The following SIGLEC11 variants were observed in gnomAD, a reference collection of about 807,000 sequenced individuals.
SIGLEC11 encodes sialic acid-binding Ig-like lectin 11.
SIGLEC11 carries 47 observed loss-of-function variants against 61.2 expected under a neutral mutation model. That is an observed-to-expected ratio of 0.77 (90% confidence interval 0.61 to 0.98). The LOEUF (loss-of-function observed/expected upper bound fraction) is 0.98. SIGLEC11 is among the 50% of genes least tolerant of loss of function. The pLI is 0.00. For synonymous variants in SIGLEC11, 278 were observed against 373.1 expected, an observed-to-expected ratio of 0.75 and a Z score of 2.94; for missense variants, 610 against 870.3, an observed-to-expected ratio of 0.70 and a Z score of 3.76.
At chr19:49,957,139 T>C (rs1263683815) in intron 8 of SIGLEC11, among the ~76,000 whole-genome samples, 2 of 152,154 alleles carry the variant, frequency 1.3e-5, no homozygotes, top group African/African-American at 4.8e-5. Flanking sequence ...GCTCTCCTTG[T>C]TGGAAGCATT....
rs142292396 is a variant in SIGLEC11 at position 49,958,880 on chromosome 19, C to T, written c.1126G>A (p.Gly376Ser). The T allele has an allele frequency of 3.1e-4, 500 of 1,600,838 alleles. 1 individual carries two copies. The highest frequency in any genetic ancestry group is 4.1e-4 in the Non-Finnish European group (479 of 1,172,940). Residue 376 changes from glycine to serine, a missense_variant, in exon 7 of 11, where the codon GGC (glycine) becomes AGC (serine). By Grantham distance (56) the Gly-to-Ser change is moderately conservative (BLOSUM62 0). Transcript: ENST00000447370. Reference protein sequence around the residue: ...NRTVLENLGNGTSLPVLEGQS... With the variant: ...NRTVLENLGNSTSLPVLEGQS... ...CCCTCCAGGACCGGGAGGGATGTGCCGTTCCCGAGGTTTTCCAGGACTAGG... is the reference window on the plus strand; with the variant it reads ...CCCTCCAGGACCGGGAGGGATGTGCTGTTCCCGAGGTTTTCCAGGACTAGG...
intron 9 of SIGLEC11, 148 bp from the exon 10 acceptor site, chr19:49,952,120 GGGA>G (rs1443933998): frequency 2.5e-5 from 25 of 1,018,876 alleles, no homozygotes; most frequent in Admixed American, 5.4e-5. Flanking sequence ...GTGAGAACTG[GGGA>G]CCCTCATAGA....
In SIGLEC11 at chr19:49,958,417, G is replaced by A. The variant is rs770209602; in HGVS notation, c.1517C>T (p.Thr506Ile). 18 of 1,614,062 alleles carry A rather than the reference G, an allele frequency of 1.1e-5. No individual in the cohort carries two copies. Among genetic ancestry groups the A allele is most frequent in the Non-Finnish European group, 1.4e-5 (16 of 1,180,004 alleles). Residue 506 changes from threonine to isoleucine, a missense_variant, in exon 8 of 11, where the codon ACC becomes ATC. Thr to Ile is a moderately conservative substitution (Grantham distance 89). This residue lies in a region of SIGLEC11 where 432 missense variants were observed against 441.5 expected (regional missense o/e 0.98). Transcript: ENST00000447370. ...GNSSQGSFEVTPSSAGPWANS... is the reference protein window; with the variant it reads ...GNSSQGSFEVIPSSAGPWANS... The stretch of plus-strand genomic sequence containing the variant: ...GGCCCAGGGCCCGGCTGAGCTGGGG[G>A]TGACCTCGAAGGAGCCCTGACTGCT...
chr19:49,950,356 G>C, intron 10 of SIGLEC11, 120 bp from the exon 11 acceptor site: 1 of 1,092,908 alleles, frequency 9.1e-7, no homozygotes, highest in Non-Finnish European at 1.2e-6. Context: ...ATTCCACAAA[G>C]GTCAGCTGGG....
chr19:49,958,950 C>T (rs200559981), intron 6 of SIGLEC11, 50 bp from the exon 7 acceptor site: 8 of 1,612,296 alleles, frequency 5.0e-6, no homozygotes, highest in Non-Finnish European at 6.8e-6. Context: ...CTCAGGGACC[C>T]TCCTGTGTGG....
intron 8 of SIGLEC11, among the ~76,000 whole-genome samples, chr19:49,956,675 T>TC (rs984966229): frequency 2.0e-4 from 31 of 152,222 alleles, no homozygotes; most frequent in African/African-American, 7.2e-4. Flanking sequence ...AATAATTCAA[T>TC]AGTATAGGCC....
intron 8 of SIGLEC11, among the ~76,000 whole-genome samples, chr19:49,957,977 C>T (rs1052620367): frequency 6.6e-6 from 1 of 151,704 alleles, no homozygotes; most frequent in African/African-American, 2.4e-5. Context: ...GCTGACAGAG[C>T]GAGACTCCAT....
In SIGLEC11 at chr19:49,952,208, C is replaced by T. The variant is rs1214008748; in HGVS notation, c.1748+90G>A. 9 of 1,334,576 alleles carry T rather than the reference C, an allele frequency of 6.7e-6. No individual in the cohort carries two copies. In the African/African-American group the frequency reaches 1.3e-4, roughly 19 times the overall value. 82.7% of individuals were successfully genotyped at this position (1,334,576 alleles called of 1,614,324 possible). The stretch of plus-strand genomic sequence containing the variant: ...CAAGGCCTAGTTCTCACACCCACTG[C>T]CCCATCTAGATTCCTGCAGCTGGGA... On this transcript the variant is annotated intron_variant, in intron 9 of 10. Coordinates refer to ENST00000447370, the MANE Select transcript of SIGLEC11 (RefSeq NM_052884.3).
Position 49,949,955 on chromosome 19 carries a change from G to T in SIGLEC11, c.*15C>A, listed in dbSNP as rs2076147650. 7.0e-7 allele frequency: 1 copy of T among 1,422,280 alleles called. No individual in the cohort carries two copies. The highest frequency in any genetic ancestry group is 1.4e-5 in the African/African-American group (1 of 69,568). 88.1% of individuals were successfully genotyped at this position (1,422,280 alleles called of 1,614,324 possible). A position where few individuals can be genotyped will look rare whatever the true frequency, so the allele number is the denominator to read the frequency against. On this transcript the variant is annotated 3_prime_UTR_variant, in exon 11 of 11. Transcript: ENST00000447370. ...CCCACACACTTGCTGGTGTCCTGTT[G>T]CCATGGAGACCTCTTCACTTTGGAA...
At position 49,952,328 on chromosome 19, in the gene SIGLEC11, A is replaced by G; in HGVS notation, c.1718T>C (p.Leu573Pro). 6.2e-7 allele frequency: 1 copy of G among 1,612,034 alleles called. No individual in the cohort carries two copies. Among genetic ancestry groups the G allele is most frequent in the South Asian group, 1.1e-5 (1 of 91,050 alleles). ...AALGAGVAAL[L>P]AFCSCLVVFR... ...GACGACAAGGCAGGAACAGAAAGCG[A>G]GCAGGGCAGCGACGCCAGCTCCCAG... The change falls in exon 9 of 11, where the codon CTC becomes CCC. Residue 573 changes from leucine to proline, a missense_variant. Coordinates refer to ENST00000447370, the MANE Select transcript of SIGLEC11 (RefSeq NM_052884.3).
chr19:49,952,438 G>A, intron 8 of SIGLEC11, 44 bp from the exon 9 acceptor site: 1 of 1,479,986 alleles, frequency 6.8e-7, no homozygotes, highest in Non-Finnish European at 9.3e-7. Context: ...CTGGCCCTGA[G>A]ACCCTCCTGC....
intron 8 of SIGLEC11, among the ~76,000 whole-genome samples, chr19:49,956,207 TA>T (rs2076194942): frequency 6.6e-6 from 1 of 152,222 alleles, no homozygotes; most frequent in Non-Finnish European, 1.5e-5. Flanking sequence ...GTCTGGCTCT[TA>T]AAAACTTCTA....
At position 49,957,826 on chromosome 19, in the gene SIGLEC11, T is replaced by A. The variant is rs531412545; in HGVS notation, c.1651+457A>T. 5.3e-5 allele frequency among the ~76,000 whole-genome samples: 8 copies of A among 152,082 alleles called. No homozygotes were observed. In the South Asian group the frequency reaches 1.7e-3, roughly 32 times the overall value. On this transcript the variant is annotated intron_variant, in intron 8 of 10. Coordinates refer to ENST00000447370, the MANE Select transcript of SIGLEC11 (RefSeq NM_052884.3). Reference sequence around the variant, plus strand: ...ACCAGCCTGGCCAACATAGTGAAACTAAAAATACAAAAAAATTAGCTGGGC... The same window carrying A: ...ACCAGCCTGGCCAACATAGTGAAACAAAAAATACAAAAAAATTAGCTGGGC...
rs2076147502 is a variant in SIGLEC11 at position 49,949,944 on chromosome 19, G to A, written c.*26C>T. The A allele has an allele frequency of 1.4e-6, 2 of 1,407,972 alleles. No individual in the cohort carries two copies. Among genetic ancestry groups the A allele is most frequent in the South Asian group, 1.7e-5 (1 of 58,392 alleles). The allele number at this position is 1,407,972 out of a possible 1,614,324, so 87.2% of individuals were successfully genotyped here. ...CCAGTGCGACTCCCACACACTTGCT[G>A]GTGTCCTGTTGCCATGGAGACCTCT... On this transcript the variant is annotated 3_prime_UTR_variant, in exon 11 of 11. Coordinates refer to ENST00000447370, the MANE Select transcript of SIGLEC11 (RefSeq NM_052884.3).
At chr19:49,954,399 G>A (rs181779865) in intron 8 of SIGLEC11, among the ~76,000 whole-genome samples, 196 of 152,304 alleles carry the variant, frequency 1.3e-3, no homozygotes, top group Non-Finnish European at 2.4e-3. Flanking sequence ...GCCAGGGAAG[G>A]AAGTCAAAAT....
rs556913162 is a variant in SIGLEC11 at position 49,958,839 on chromosome 19, C to G, written c.1167G>C (p.Leu389=). 6.2e-7 allele frequency: 1 copy of G among 1,610,704 alleles called. No individual in the cohort carries two copies. The highest frequency in any genetic ancestry group is 1.3e-5 in the African/African-American group (1 of 74,808). Residue 389 remains leucine, a synonymous_variant, in exon 7 of 11, where the codon CTG becomes CTC. Coordinates refer to ENST00000447370, the MANE Select transcript of SIGLEC11 (RefSeq NM_052884.3). ...LPVLEGQSLR[L]VCVTHSSPPA... ...GGGGGCTGCTGTGGGTGACACAGAC[C>G]AGGCGCAGGCTTTGGCCCTCCAGGA... is the stretch of plus-strand genomic sequence containing the variant.
At position 49,951,793 on chromosome 19, in the gene SIGLEC11, G is replaced by C. The variant is rs2076159514; in HGVS notation, c.1830+98C>G. The C allele has an allele frequency of 1.9e-6, 2 of 1,069,928 alleles. No homozygotes were observed. Among genetic ancestry groups the C allele is most frequent in the Admixed American group, 5.8e-5 (2 of 34,214 alleles). 66.3% of individuals were successfully genotyped at this position (1,069,928 alleles called of 1,614,324 possible). ...GGGACCCAGGAGCAAAACCCTATTT[G>C]GGGCACAATGATTCTGCAAGTCACC... On this transcript the variant is annotated intron_variant, in intron 10 of 10. Transcript: ENST00000447370. This position sits in a 1 kb window ranked among gnomAD's most constrained non-coding sequence, Gnocchi z 4.6.
chr19:49,949,991 C>T lies in SIGLEC11; in HGVS notation c.2076G>A (p.Met692Ile). Residue 692 changes from methionine to isoleucine, a missense_variant, in exon 11 of 11, where the codon ATG (methionine) becomes ATA (isoleucine). Physicochemically the swap from Met to Ile is conservative, Grantham distance 10. Around this residue, in one of 6 missense-constraint regions of SIGLEC11, gnomAD observed 432 missense variants for 441.5 expected, o/e 0.98. Transcript: ENST00000447370. ...CTCTTCACTTTGGAACCATCCCTGA[C>T]ATCTCCCTCTCCAATTGAAGCCCAA... ...PGFGLQLERE[M>I]SGMVPK The T allele has an allele frequency of 6.7e-7, 1 of 1,496,936 alleles. No individual in the cohort carries two copies. The highest frequency in any genetic ancestry group is 1.4e-5 in the African/African-American group (1 of 71,270). 92.7% of individuals were successfully genotyped at this position (1,496,936 alleles called of 1,614,324 possible). A position where few individuals can be genotyped will look rare whatever the true frequency, so the allele number is the denominator to read the frequency against.
At position 49,960,396 on chromosome 19, in the gene SIGLEC11, G is replaced by A. The variant is rs1396876195; in HGVS notation, c.486C>T (p.Tyr162=). The A allele has an allele frequency of 6.9e-6, 11 of 1,596,328 alleles. 1 individual carries two copies. The Admixed American group carries it at 1.9e-4, about 27-fold the overall frequency. Reference sequence around the variant, plus strand: ...GCCCGGGCTCCAGGGTCTCGGGGATGTAGACATCAGGCTTCTTAGTCAGGG... The same window carrying A: ...GCCCGGGCTCCAGGGTCTCGGGGATATAGACATCAGGCTTCTTAGTCAGGG... ...VTALTKKPDV[Y]IPETLEPGQP... Residue 162 remains tyrosine, a synonymous_variant, in exon 3 of 11, where the codon TAC becomes TAT. Coordinates refer to ENST00000447370, the MANE Select transcript of SIGLEC11 (RefSeq NM_052884.3).
Sources: gnomAD v4.1 joint callset for allele counts (sites outside exome capture counted in the v4.1 genomes callset) on GRCh38, gnomAD v4.1.1 for gene constraint, gnomAD v4.1.1 regional missense constraint, Gnocchi (gnomAD v3.1) non-coding constraint, MANE v1.5 for transcripts, NCBI Gene and HGNC (gene_info 2026-07-23, HGNC 2026-07-21) for gene names.